ADAMTSL1: variants seen among roughly 807,000 people sequenced by gnomAD.
ADAMTSL1 encodes the protein ADAMTS like 1.
Under a neutral mutation model 201.8 loss-of-function variants are expected in ADAMTSL1, and 126 were observed. That is an observed-to-expected ratio of 0.62 (90% confidence interval 0.54 to 0.72). The LOEUF (loss-of-function observed/expected upper bound fraction) is 0.72, where lower values mean the gene tolerates loss of function less well. Ranked by LOEUF, ADAMTSL1 falls within the 30% of genes least tolerant of loss-of-function variation. The pLI, the probability that ADAMTSL1 is intolerant of heterozygous loss-of-function variation, is 0.00. For synonymous variants in ADAMTSL1, 1,121 were observed against 903.4 expected (o/e 1.24, Z -4.32); for missense variants, 2,679 against 2,277.8 (o/e 1.18, Z -3.59).
intron 5 of ADAMTSL1, among the ~76,000 whole-genome samples, chr9:18,631,607 A>G (rs117347822): frequency 2.6e-5 from 4 of 152,218 alleles, no homozygotes; most frequent in Non-Finnish European, 5.9e-5. Flanking sequence ...TCAGAATAGG[A>G]AATTCTGTCT....
chr9:18,625,083 A>C (rs1040963511), intron 5 of ADAMTSL1, among the ~76,000 whole-genome samples: 1 of 152,130 alleles, frequency 6.6e-6, no homozygotes, highest in African/African-American at 2.4e-5. Context: ...CTGGCAGGGA[A>C]CATGAGGCTG....
intron 1 of ADAMTSL1, among the ~76,000 whole-genome samples, chr9:17,917,780 C>G (rs1826155172): frequency 1.3e-5 from 2 of 151,874 alleles, no homozygotes; most frequent in South Asian, 4.1e-4. Flanking sequence ...TAAGAATTCA[C>G]CAGTGAAGCC....
rs561901763 is a variant in ADAMTSL1 at position 18,744,233 on chromosome 9, C to A, written c.2007-9065C>A. Among the ~76,000 whole-genome samples the A allele has an allele frequency of 4.7e-4, 72 of 152,370 alleles. 1 individual carries two copies. Among genetic ancestry groups the A allele is most frequent in the African/African-American group, 1.6e-3 (67 of 41,582 alleles). ...GGTTTAGCCAAATAGTTTAGCAGTTCGCTCATAACTGTTACCTAACATTCT... is the reference window on the plus strand; with the variant it reads ...GGTTTAGCCAAATAGTTTAGCAGTTAGCTCATAACTGTTACCTAACATTCT... On this transcript the variant is annotated intron_variant, in intron 15 of 28. Coordinates refer to ENST00000380548, the MANE Select transcript of ADAMTSL1 (RefSeq NM_001040272.6).
chr9:18,064,954 A>ATTTTTTTTTTTTTT (rs563021690), intron 1 of ADAMTSL1, among the ~76,000 whole-genome samples: 4 of 69,012 alleles, frequency 5.8e-5, no homozygotes, highest in Admixed American at 2.4e-4. Flanking sequence ...TTTGCTAAAG[A>ATTTTTTTTTTTTTT]TTTTTTTTTT....
intron 1 of ADAMTSL1, among the ~76,000 whole-genome samples, chr9:18,487,132 A>AT (rs1393805971): frequency 6.6e-6 from 1 of 152,202 alleles, no homozygotes; most frequent in African/African-American, 2.4e-5. Context: ...TCAATTTATC[A>AT]TTTTATACTA....
At chr9:18,731,726 A>G (rs557694314) in intron 15 of ADAMTSL1, among the ~76,000 whole-genome samples, 1 of 152,256 alleles carries the variant, frequency 6.6e-6, no homozygotes. Flanking sequence ...TTCCAATCAT[A>G]GTGGAAGGCA....
chr9:18,468,387 T>C (rs1587298659), intron 2 of ADAMTSL1, among the ~76,000 whole-genome samples: 1 of 152,206 alleles, frequency 6.6e-6, no homozygotes, highest in Non-Finnish European at 1.5e-5. Flanking sequence ...ATAATATTTT[T>C]CCCAGAGTTT....
rs144663120 is a variant in ADAMTSL1 at position 18,038,022 on chromosome 9, T to C, written c.88-125840T>C. Among the ~76,000 whole-genome samples, 573 of 152,302 alleles carry C rather than the reference T, an allele frequency of 3.8e-3. 5 individuals carry two copies. The highest frequency in any genetic ancestry group is 0.013 in the African/African-American group (542 of 41,560). ...TTTTTTATTTCAGTGATCGTGATGA[T>C]ACGAGAAATCAAAGAGCACTTGGGA... On this transcript the variant is annotated intron_variant, in intron 1 of 29. Coordinates refer to the ADAMTSL1 transcript ENST00000680146.
At chr9:17,998,669 G>A (rs1051185991) in intron 1 of ADAMTSL1, among the ~76,000 whole-genome samples, 5 of 152,060 alleles carry the variant, frequency 3.3e-5, no homozygotes, top group African/African-American at 9.6e-5. Context: ...TAGTAATGAG[G>A]GGGAAAGTCT....
intron 2 of ADAMTSL1, among the ~76,000 whole-genome samples, chr9:18,187,327 G>T (rs1429910898): frequency 6.6e-6 from 1 of 152,038 alleles, no homozygotes; most frequent in Non-Finnish European, 1.5e-5. Context: ...CCTATTTAAG[G>T]TATTGTTACT....
At chr9:18,194,004 A>G (rs1398616734) in intron 2 of ADAMTSL1, among the ~76,000 whole-genome samples, 1 of 152,140 alleles carries the variant, frequency 6.6e-6, no homozygotes, top group Non-Finnish European at 1.5e-5. Context: ...AACAACCATG[A>G]TGATAGCAGA....
intron 15 of ADAMTSL1, among the ~76,000 whole-genome samples, chr9:18,735,756 T>TC (rs1564192208): frequency 6.8e-6 from 1 of 147,380 alleles, no homozygotes; most frequent in African/African-American, 2.5e-5. Context: ...TTCTTTTTTT[T>TC]TTTTTTTTTT....
chr9:18,838,542 C>A (rs1347263), intron 23 of ADAMTSL1, among the ~76,000 whole-genome samples: 13,891 of 150,590 alleles, frequency 0.092, 835 homozygotes, highest in East Asian at 0.22. Flanking sequence ...AAATAAATAA[C>A]TAGGCTGGGC....
chr9:18,568,080 T>G (rs530401593), intron 3 of ADAMTSL1, among the ~76,000 whole-genome samples: 1 of 152,282 alleles, frequency 6.6e-6, no homozygotes, highest in African/African-American at 2.4e-5. Context: ...TCTCAAACTG[T>G]GGGTGACTGT....
chr9:17,966,751 A>C (rs762568974), intron 1 of ADAMTSL1, among the ~76,000 whole-genome samples: 5 of 152,096 alleles, frequency 3.3e-5, no homozygotes, highest in African/African-American at 4.8e-5. Context: ...TGATAGTCTA[A>C]TTCTAGCATT....
At chr9:18,050,447 A>C (rs1821882260) in intron 1 of ADAMTSL1, among the ~76,000 whole-genome samples, 1 of 152,198 alleles carries the variant, frequency 6.6e-6, no homozygotes, top group South Asian at 2.1e-4. Context: ...AAAATAAAAA[A>C]ATTATTATCT....
chr9:18,281,477 C>T (rs1319167857), intron 2 of ADAMTSL1, among the ~76,000 whole-genome samples: 1 of 152,190 alleles, frequency 6.6e-6, no homozygotes, highest in Non-Finnish European at 1.5e-5. Flanking sequence ...AGCTTCGGTA[C>T]AGTCTAGGAC....
chr9:18,473,986 C>G (rs1186149295), upstream of ADAMTSL1: 5 of 456,716 alleles, frequency 1.1e-5, no homozygotes, highest in African/African-American at 1.0e-4. Flanking sequence ...GTCCTCCTGG[C>G]TTTGTTATTC....
intron 2 of ADAMTSL1, among the ~76,000 whole-genome samples, chr9:18,350,647 T>C (rs888249809): frequency 2.0e-5 from 3 of 152,170 alleles, no homozygotes; most frequent in African/African-American, 7.2e-5. Flanking sequence ...GAGTTTCTTT[T>C]GGCGTTAATT....
Sources: gnomAD v4.1 joint callset for allele counts (sites outside exome capture counted in the v4.1 genomes callset) on GRCh38, gnomAD v4.1.1 for gene constraint, MANE v1.5 for transcripts, NCBI Gene and HGNC (gene_info 2026-07-23, HGNC 2026-07-21) for gene names.